PTPN7: variants seen among roughly 807,000 people sequenced by gnomAD.
PTPN7 encodes tyrosine-protein phosphatase non-receptor type 7.
A neutral mutation model predicts 50.3 loss-of-function variants in PTPN7; 33 were observed. That is an observed-to-expected ratio of 0.66 (90% CI 0.50 to 0.88). The LOEUF is 0.88. PTPN7 is among the 40% of genes least tolerant of loss of function. The pLI, the probability that PTPN7 is intolerant of heterozygous loss-of-function variation, is 0.00. For missense variants in PTPN7, 412 were observed against 475.4 expected (o/e 0.87, Z 1.24); for synonymous variants, 185 against 186.6 (o/e 0.99, Z 0.07).
intron 4 of PTPN7, 151 bp downstream of exon 4, chr1:202,157,588 A>C: frequency 1.5e-6 from 1 of 663,148 alleles, no homozygotes; most frequent in East Asian, 2.7e-5. Flanking sequence ...TGCTGTTGTG[A>C]TTCTTGCTCC....
chr1:202,147,676 G>A lies in PTPN7; in HGVS notation c.*930C>T, dbSNP rs149281656. ...GCCGAGCCTCCATGTCTGCATGGAT[G>A]GTTATGACCCTGATTGTTTTTGGAA... On this transcript the variant is annotated 3_prime_UTR_variant, in exon 10 of 10. Transcript: ENST00000691036. The A allele has an allele frequency of 0.017, 2,630 of 152,330 alleles. 39 individuals carry two copies. The highest frequency in any genetic ancestry group is 0.034 in the Middle Eastern group (10 of 298). The allele number at this position is 152,330 out of a possible 1,614,324, so 9.4% of individuals were successfully genotyped here. A position where few individuals can be genotyped will look rare whatever the true frequency, so the allele number is the denominator to read the frequency against.
intron 7 of PTPN7, among the ~76,000 whole-genome samples, chr1:202,153,448 T>A (rs1656272436): frequency 6.6e-6 from 1 of 152,182 alleles, no homozygotes; most frequent in South Asian, 2.1e-4. Context: ...TAACCTCCTC[T>A]CCTTCCCTTG....
chr1:202,148,210 C>G lies in PTPN7; in HGVS notation c.*396G>C, dbSNP rs927233534. ...TCTAGAAACTTCTCTCATTACTTTT[C>G]CCTCATGGCAGCTAAGCACTTATGT... On this transcript the variant is annotated 3_prime_UTR_variant, in exon 10 of 10. Transcript: ENST00000691036. 14 of 159,248 alleles carry G rather than the reference C, an allele frequency of 8.8e-5. No individual in the cohort carries two copies. The highest frequency in any genetic ancestry group is 1.5e-4 in the Non-Finnish European group (11 of 72,972). 9.9% of individuals were successfully genotyped at this position (159,248 alleles called of 1,614,324 possible).
Position 202,159,267 on chromosome 1 carries a change from A to G in PTPN7, c.122+14T>C. On this transcript the variant is annotated intron_variant, in intron 2 of 9. Coordinates refer to ENST00000691036, the MANE Select transcript of PTPN7 (RefSeq NM_002832.4). The surrounding 1 kb of genome is among the most constrained non-coding windows in gnomAD (Gnocchi z 4.6). ...TCAGGGCTCGGAAGACCCCTCCCCC[A>G]GGGAAGATCTCACCTCTCCTGCAGT... 1.9e-6 allele frequency: 3 copies of G among 1,612,942 alleles called. No homozygotes were observed. Among genetic ancestry groups the G allele is most frequent in the Middle Eastern group, 3.3e-4 (2 of 5,992 alleles).
At chr1:202,149,720 C>T (rs569792166) in intron 9 of PTPN7, 1 of 152,130 alleles carries the variant, frequency 6.6e-6, no homozygotes, top group Non-Finnish European at 1.5e-5. Context: ...AATCTGAACA[C>T]CGGCTCTGCC....
rs774155637 is a variant in PTPN7, at chr1:202,152,566, G to A, written c.851C>T (p.Pro284Leu). 7 of 1,613,316 alleles carry A rather than the reference G, an allele frequency of 4.3e-6. No individual in the cohort carries two copies. In the African/African-American group the frequency reaches 6.7e-5, roughly 15 times the overall value. ...VEESPETAAH[P>L]GPIVVHCSAG... is the part of the protein sequence containing the mutation. ...CCTGCAGTGGACTACGATAGGCCCG[G>A]GGTGGGCGGCTGTCTCCGGGCTCTC... The change falls in exon 8 of 10, where the codon CCC (proline) becomes CTC (leucine). Residue 284 changes from proline to leucine, a missense_variant. By Grantham distance (98) the Pro-to-Leu change is moderately conservative (BLOSUM62 -3). Coordinates refer to ENST00000691036, the MANE Select transcript of PTPN7 (RefSeq NM_002832.4).
At chr1:202,157,718 C>T in intron 4 of PTPN7, 21 bp downstream of exon 4, 1 of 1,601,344 alleles carries the variant, frequency 6.2e-7, no homozygotes, top group Non-Finnish European at 8.6e-7. Context: ...CGACTCCCTT[C>T]ATCCCAGCAG....
rs1366508502 is a variant in PTPN7, at chr1:202,160,431, A to C, written c.-53+114T>G. 7.2e-6 allele frequency: 8 copies of C among 1,109,870 alleles called. No individual in the cohort carries two copies. The highest frequency in any genetic ancestry group is 4.9e-5 in the Admixed American group (2 of 41,014). 68.8% of individuals were successfully genotyped at this position (1,109,870 alleles called of 1,614,324 possible). A position where few individuals can be genotyped will look rare whatever the true frequency, so the allele number is the denominator to read the frequency against. ...GTGAGCACCCATACCCCAGCCAGGCACTGTGGCGCCCCACTCGCCCTCCCG... is the reference window on the plus strand; with the variant it reads ...GTGAGCACCCATACCCCAGCCAGGCCCTGTGGCGCCCCACTCGCCCTCCCG... On this transcript the variant is annotated intron_variant, in intron 1 of 9. Coordinates refer to ENST00000691036, the MANE Select transcript of PTPN7 (RefSeq NM_002832.4). The surrounding 1 kb of genome is among the most constrained non-coding windows in gnomAD (Gnocchi z 4.8).
At chr1:202,149,569 G>C (rs1233182598) in intron 9 of PTPN7, among the ~76,000 whole-genome samples, 2 of 152,000 alleles carry the variant, frequency 1.3e-5, no homozygotes, top group Non-Finnish European at 2.9e-5. Flanking sequence ...AGCCAAGTGG[G>C]CATTGTTGAG....
At position 202,148,367 on chromosome 1, in the gene PTPN7, C is replaced by T. The variant is rs1410316029; in HGVS notation, c.*239G>A. The T allele has an allele frequency of 8.9e-6, 4 of 450,888 alleles. No homozygotes were observed. Among genetic ancestry groups the T allele is most frequent in the African/African-American group, 8.0e-5 (4 of 50,236 alleles). 27.9% of individuals were successfully genotyped at this position (450,888 alleles called of 1,614,324 possible). ...AGTTCAGAGAGACATTGGAGGTTCC[C>T]CTTACTGTCCATCTGGGGCCAACAG... On this transcript the variant is annotated 3_prime_UTR_variant, in exon 10 of 10. Coordinates refer to ENST00000691036, the MANE Select transcript of PTPN7 (RefSeq NM_002832.4).
chr1:202,154,940 T>G (rs940396121), intron 5 of PTPN7, among the ~76,000 whole-genome samples: 1 of 152,232 alleles, frequency 6.6e-6, no homozygotes, highest in Non-Finnish European at 1.5e-5. Flanking sequence ...TGTTTCCCCA[T>G]GGCTTCCCTA....
In PTPN7 at chr1:202,147,474, A is replaced by C. The variant is rs1655455229; in HGVS notation, c.*1132T>G. ...GGGGCGGCGTGCCTGGTGATGCGGC[A>C]TCTTACCTTCATCCCCATCTCAGAA... On this transcript the variant is annotated 3_prime_UTR_variant, in exon 10 of 10. Transcript: ENST00000691036. 6.6e-6 allele frequency: 1 copy of C among 152,172 alleles called. No homozygotes were observed. The highest frequency in any genetic ancestry group is 1.5e-5 in the Non-Finnish European group (1 of 68,070). 9.4% of individuals were successfully genotyped at this position (152,172 alleles called of 1,614,324 possible).
At position 202,158,246 on chromosome 1, in the gene PTPN7, G is replaced by C; in HGVS notation, c.178C>G (p.Pro60Ala). 4 of 1,614,134 alleles carry C rather than the reference G, an allele frequency of 2.5e-6. No homozygotes were observed. Among genetic ancestry groups the C allele is most frequent in the Non-Finnish European group, 1.7e-6 (2 of 1,180,016 alleles). The change falls in exon 3 of 10, where the codon CCC becomes GCC. Residue 60 changes from proline to alanine, a missense_variant. Transcript: ENST00000691036. ...LDVRSLGAVE[P>A]ICSVNTPREV... ...CGGGGTGTGTTCACAGAGCAGATGG[G>C]TTCTACGGCCCCCAGGGACCGAACG...
intron 7 of PTPN7, among the ~76,000 whole-genome samples, chr1:202,153,273 T>C (rs1376800904): frequency 6.6e-6 from 1 of 152,154 alleles, no homozygotes; most frequent in Non-Finnish European, 1.5e-5. Flanking sequence ...GTGATTCTCC[T>C]GTCTTAGCCT....
intron 2 of PTPN7, chr1:202,158,805 A>ATTT (rs1656989142): frequency 8.3e-6 from 1 of 121,064 alleles, no homozygotes; most frequent in South Asian, 2.4e-4. Context: ...TTTTTTTTTG[A>ATTT]GAGAGAGGAG....
rs1005743887 is a variant in PTPN7, at chr1:202,159,101, T to A, written c.122+180A>T. 6.4e-6 allele frequency: 4 copies of A among 629,832 alleles called. No homozygotes were observed. The highest frequency in any genetic ancestry group is 1.1e-5 in the Non-Finnish European group (4 of 357,946). 39.0% of individuals were successfully genotyped at this position (629,832 alleles called of 1,614,324 possible). A position where few individuals can be genotyped will look rare whatever the true frequency, so the allele number is the denominator to read the frequency against. ...CAGGCTCATGGTTGATATGAAACTCTGTGCTCCAGACATGCAAAAGACATG... is the reference window on the plus strand; with the variant it reads ...CAGGCTCATGGTTGATATGAAACTCAGTGCTCCAGACATGCAAAAGACATG... On this transcript the variant is annotated intron_variant, in intron 2 of 9. Coordinates refer to ENST00000691036, the MANE Select transcript of PTPN7 (RefSeq NM_002832.4). The surrounding 1 kb of genome is among the most constrained non-coding windows in gnomAD (Gnocchi z 4.6).
chr1:202,160,563 C>T lies in PTPN7; in HGVS notation c.-71G>A, dbSNP rs746048185. ...TACTTACTGAAGCAGCTGTGGCCCC[C>T]AGGCTGCCTCTTGCCAGCTGTCTGT... On this transcript the variant is annotated 5_prime_UTR_variant, in exon 1 of 10. Transcript: ENST00000691036. The surrounding 1 kb of genome is among the most constrained non-coding windows in gnomAD (Gnocchi z 4.8). 108 of 1,549,516 alleles carry T rather than the reference C, an allele frequency of 7.0e-5. No individual in the cohort carries two copies. The African/African-American group carries it at 1.4e-3, about 20-fold the overall frequency.
chr1:202,147,820 T>C lies in PTPN7; in HGVS notation c.*786A>G, dbSNP rs1444824260. The C allele has an allele frequency of 6.6e-6, 1 of 152,136 alleles. No homozygotes were observed. Among genetic ancestry groups the C allele is most frequent in the Non-Finnish European group, 1.5e-5 (1 of 68,030 alleles). 9.4% of individuals were successfully genotyped at this position (152,136 alleles called of 1,614,324 possible). On this transcript the variant is annotated 3_prime_UTR_variant, in exon 10 of 10. Transcript: ENST00000691036. ...ACTGCTTAGCCTCCCTAAGAGTAGT[T>C]GGTGGGAGTGGCCAGCAACCATGGA...
upstream of PTPN7, chr1:202,160,729 C>T: frequency 1.3e-6 from 2 of 1,550,452 alleles, no homozygotes; most frequent in Non-Finnish European, 1.7e-6. The surrounding 1 kb of genome is among the most constrained non-coding windows in gnomAD (Gnocchi z 4.8). Context: ...CAGGGGTCGG[C>T]TGCCTCCCGC....
Sources: gnomAD v4.1 joint callset for allele counts (sites outside exome capture counted in the v4.1 genomes callset) on GRCh38, gnomAD v4.1.1 for gene constraint, Gnocchi (gnomAD v3.1) non-coding constraint, MANE v1.5 for transcripts, NCBI Gene and HGNC (gene_info 2026-07-23, HGNC 2026-07-21) for gene names.